The following CSMD3 variants were observed in gnomAD, a reference collection of about 807,000 sequenced individuals.
CSMD3 encodes the protein CUB and Sushi multiple domains 3, also known as CUB and sushi domain-containing protein 3.
CSMD3 carries 177 observed loss-of-function variants against 435.2 expected under a neutral mutation model. That is an observed-to-expected ratio of 0.41 (90% CI 0.36 to 0.46). The LOEUF (loss-of-function observed/expected upper bound fraction) is 0.46, where lower values mean the gene tolerates loss of function less well. Among genes scored for constraint, CSMD3 ranks in the 20% least tolerant of loss-of-function variants. CSMD3 has a pLI of 0.34. For synonymous variants in CSMD3, 1,656 were observed against 1,520.5 expected (o/e 1.09, Z -2.07); for missense variants, 4,265 against 4,504.6 (o/e 0.95, Z 1.52).
chr8:112,521,557 C>G (rs1000328664), intron 27 of CSMD3, among the ~76,000 whole-genome samples: 3 of 151,858 alleles, frequency 2.0e-5, no homozygotes, highest in Admixed American at 6.6e-5. Flanking sequence ...TGACTGAGGG[C>G]TGGAGTACCT....
chr8:112,472,417 TTGAG>T (rs754806839), intron 32 of CSMD3, among the ~76,000 whole-genome samples, 170 bp downstream of exon 32: 4 of 152,156 alleles, frequency 2.6e-5, no homozygotes, highest in Admixed American at 1.3e-4. Context: ...TAAATTCAGA[TTGAG>T]TAAGATGACC....
intron 29 of CSMD3, among the ~76,000 whole-genome samples, 174 bp downstream of exon 29, chr8:112,506,517 C>T (rs980191928): frequency 6.6e-6 from 1 of 151,950 alleles, no homozygotes; most frequent in African/African-American, 2.4e-5. Context: ...AATAACTTGC[C>T]CAAGGTAACA....
chr8:113,153,134 G>A lies in CSMD3; in HGVS notation c.709+20588C>T, dbSNP rs200533958. On this transcript the variant is annotated intron_variant, in intron 4 of 70. Transcript: ENST00000297405. ...GAAAGAAAGAAAGAAAGAGAAAGAA[G>A]GAAGGAAGGAAGGAAGGAAGGAAGG... Among the ~76,000 whole-genome samples, 250 of 93,776 alleles carry A rather than the reference G, an allele frequency of 2.7e-3. 1 individual carries two copies. The highest frequency in any genetic ancestry group is 0.011 in the African/African-American group (175 of 15,264). 61.5% of individuals were successfully genotyped at this position (93,776 alleles called of 152,430 possible). A position where few individuals can be genotyped will look rare whatever the true frequency, so the allele number is the denominator to read the frequency against.
chr8:112,986,008 A>G (rs2085241705), intron 6 of CSMD3, among the ~76,000 whole-genome samples: 1 of 152,196 alleles, frequency 6.6e-6, no homozygotes, highest in South Asian at 2.1e-4. Context: ...TGTCTTCCAC[A>G]AAATCAGTCT....
At chr8:113,056,134 C>G (rs760645604) in intron 5 of CSMD3, among the ~76,000 whole-genome samples, 1 of 152,082 alleles carries the variant, frequency 6.6e-6, no homozygotes, top group African/African-American at 2.4e-5. Context: ...GGATGCACCC[C>G]CACTCTGATG....
chr8:113,168,221 T>C (rs2092191834), intron 4 of CSMD3, among the ~76,000 whole-genome samples: 1 of 152,016 alleles, frequency 6.6e-6, no homozygotes, highest in African/African-American at 2.4e-5. Context: ...TGTAATAAAA[T>C]GTTTTTAAAA....
At chr8:112,655,325 T>G (rs1488623633) in intron 18 of CSMD3, among the ~76,000 whole-genome samples, 1 of 152,086 alleles carries the variant, frequency 6.6e-6, no homozygotes, top group African/African-American at 2.4e-5. Flanking sequence ...TTAATAACCC[T>G]CTTAAGTGTG....
At chr8:112,408,524 T>C in intron 33 of CSMD3, 111 bp from the exon 34 acceptor site, 3 of 786,220 alleles carry the variant, frequency 3.8e-6, no homozygotes, top group Non-Finnish European at 6.7e-6. Context: ...CTATGTTCTA[T>C]CAAATTACTT....
chr8:112,808,617 C>T (rs1212540491), intron 12 of CSMD3, among the ~76,000 whole-genome samples: 1 of 152,164 alleles, frequency 6.6e-6, no homozygotes, highest in African/African-American at 2.4e-5. Context: ...CACCCAAAGC[C>T]CCGCGTCTAT....
intron 3 of CSMD3, among the ~76,000 whole-genome samples, chr8:113,261,159 C>T (rs1319041214): frequency 1.3e-5 from 2 of 152,000 alleles, no homozygotes; most frequent in African/African-American, 4.8e-5. Context: ...CAGATTGGTC[C>T]ATAGTGTCTA....
intron 22 of CSMD3, among the ~76,000 whole-genome samples, chr8:112,630,572 C>T (rs1403502301): frequency 6.6e-6 from 1 of 151,846 alleles, no homozygotes; most frequent in Non-Finnish European, 1.5e-5. Context: ...TTTTTGAGGA[C>T]CAATGAGAGC....
intron 13 of CSMD3, among the ~76,000 whole-genome samples, chr8:112,751,620 A>T (rs1011107472): frequency 2.0e-5 from 3 of 148,860 alleles, no homozygotes; most frequent in African/African-American, 7.4e-5. Flanking sequence ...TCAAAATAAG[A>T]AGTTTAGGTT....
intron 11 of CSMD3, among the ~76,000 whole-genome samples, chr8:112,853,225 T>G (rs894874240): frequency 2.6e-5 from 4 of 152,090 alleles, no homozygotes; most frequent in African/African-American, 9.7e-5. Flanking sequence ...TCTTTTTTCT[T>G]TTTTTTCTTT....
chr8:113,286,776 T>C (rs1284693269), intron 2 of CSMD3, among the ~76,000 whole-genome samples: 1 of 152,048 alleles, frequency 6.6e-6, no homozygotes, highest in African/African-American at 2.4e-5. Flanking sequence ...AAATGTTATT[T>C]AAAGAATGGA....
chr8:113,227,447 A>G (rs1485146800), intron 3 of CSMD3, among the ~76,000 whole-genome samples: 1 of 151,602 alleles, frequency 6.6e-6, no homozygotes, highest in Non-Finnish European at 1.5e-5. Context: ...AATTAAAAAG[A>G]AATATAACTT....
At chr8:112,418,366 A>C (rs920268729) in intron 32 of CSMD3, among the ~76,000 whole-genome samples, 2 of 152,188 alleles carry the variant, frequency 1.3e-5, no homozygotes, top group African/African-American at 4.8e-5. Context: ...ATTTTAAGAC[A>C]AAATATTAGA....
chr8:113,109,043 C>T (rs539799057), intron 4 of CSMD3, among the ~76,000 whole-genome samples: 1 of 152,170 alleles, frequency 6.6e-6, no homozygotes, highest in Non-Finnish European at 1.5e-5. Context: ...TATACAGCTG[C>T]CATAATCAAA....
chr8:112,513,981 G>T (rs1007888816), intron 28 of CSMD3, among the ~76,000 whole-genome samples: 4 of 151,962 alleles, frequency 2.6e-5, no homozygotes, highest in Non-Finnish European at 4.4e-5. Flanking sequence ...AAATATTTAA[G>T]AAAATTTATT....
At chr8:112,244,274 T>C (rs1391059830) in intron 65 of CSMD3, 120 bp downstream of exon 65, 2 of 794,076 alleles carry the variant, frequency 2.5e-6, no homozygotes, top group African/African-American at 3.4e-5. Flanking sequence ...CTCCTAGACT[T>C]GGAGTTAGCC....
Sources: allele counts gnomAD v4.1 joint callset (sites outside exome capture counted in the v4.1 genomes callset), GRCh38; gene constraint gnomAD v4.1.1; transcripts MANE v1.5; gene names NCBI Gene and HGNC (gene_info 2026-07-23, HGNC 2026-07-21).